Variants in TANGO6 observed in about 807,000 individuals in gnomAD.
TANGO6 encodes transport and golgi organization 6 homolog.
TANGO6 carries 90 observed loss-of-function variants against 114.2 expected under a neutral mutation model. The observed-to-expected ratio is 0.79, with a 90% CI of 0.66 to 0.94. TANGO6 has a LOEUF of 0.94. Among genes scored for constraint, TANGO6 ranks in the 40% least tolerant of loss-of-function variants. The probability of loss-of-function intolerance (pLI) is 0.00; values close to 1 mark genes in which losing one functional copy is unlikely to be tolerated. For synonymous variants in TANGO6, 477 were observed against 509.8 expected (o/e 0.94, Z 0.87); for missense variants, 1,274 against 1,315.3 (o/e 0.97, Z 0.49).
intron 15 of TANGO6, among the ~76,000 whole-genome samples, chr16:68,987,326 CTATT>C (rs1424053687): frequency 6.6e-6 from 1 of 152,044 alleles, no homozygotes; most frequent in East Asian, 1.9e-4. Flanking sequence ...GGGTCATAGG[CTATT>C]TAAATTTTAA....
chr16:69,023,692 C>T lies in TANGO6; in HGVS notation c.2994+713C>T, dbSNP rs1959450901. ...AATCTCAGGCAAATACTCTAATTGA[C>T]CCTCTTTGGCCGAGGCACCCTGTAT... On this transcript the variant is annotated intron_variant, in intron 16 of 17. Transcript: ENST00000261778. Among the ~76,000 whole-genome samples the T allele has an allele frequency of 2.6e-5, 4 of 151,934 alleles. No homozygotes were observed. The South Asian group carries it at 8.3e-4, about 32-fold the overall frequency.
At chr16:68,882,043 A>G (rs912349996) in intron 7 of TANGO6, among the ~76,000 whole-genome samples, 2 of 152,036 alleles carry the variant, frequency 1.3e-5, no homozygotes, top group African/African-American at 4.8e-5. Context: ...TTACTGCTGA[A>G]CACTTTTACA....
In TANGO6 at chr16:68,878,012, G is replaced by T. The variant is rs1597001193; in HGVS notation, c.1132-106G>T. ...AGAATTCTGTTGAATCAGTGTTATT[G>T]AGGTGAATTTATTTTTTGTCTTAAA... On this transcript the variant is annotated intron_variant, in intron 5 of 17. Transcript: ENST00000261778. The T allele has an allele frequency of 6.7e-6, 6 of 900,198 alleles. No homozygotes were observed. In the South Asian group the frequency reaches 8.0e-5, roughly 12 times the overall value. The allele number at this position is 900,198 out of a possible 1,614,324, so 55.8% of individuals were successfully genotyped here. A position where few individuals can be genotyped will look rare whatever the true frequency, so the allele number is the denominator to read the frequency against.
At chr16:69,032,688 C>G (rs1439228261) in intron 16 of TANGO6, among the ~76,000 whole-genome samples, 1 of 152,036 alleles carries the variant, frequency 6.6e-6, no homozygotes, top group African/African-American at 2.4e-5. Context: ...ACCAGCCTAG[C>G]CAAGATGGTG....
At chr16:68,993,396 T>A (rs551654643) in intron 15 of TANGO6, among the ~76,000 whole-genome samples, 1 of 152,376 alleles carries the variant, frequency 6.6e-6, no homozygotes, top group Non-Finnish European at 1.5e-5. Context: ...GAACACAGAA[T>A]AATGAAGCAC....
At chr16:68,891,331 G>A (rs1235327795) in intron 7 of TANGO6, among the ~76,000 whole-genome samples, 1 of 150,960 alleles carries the variant, frequency 6.6e-6, no homozygotes, top group Non-Finnish European at 1.5e-5. Flanking sequence ...GGCATAATGG[G>A]CATCTGTAAT....
intron 4 of TANGO6, among the ~76,000 whole-genome samples, chr16:68,872,258 C>G (rs1375254433): frequency 6.6e-6 from 1 of 151,066 alleles, no homozygotes; most frequent in African/African-American, 2.4e-5. Context: ...GTCTTGTCTT[C>G]TAATTCTGTT....
rs1963338049 is a variant in TANGO6 at position 68,940,166 on chromosome 16, T to TTC, written c.2701+9871_2701+9872insTC. ...TTATTTTGTTTTTCCTTCCTTCCTTTCTTCCTTCCTTCCTTCCTTCTTTTC... is the reference window on the plus strand; with the variant it reads ...TTATTTTGTTTTTCCTTCCTTCCTTTTCCTTCCTTCCTTCCTTCCTTCTTTTC... On this transcript the variant is annotated intron_variant, in intron 14 of 17. Transcript: ENST00000261778. Among the ~76,000 whole-genome samples, 16 of 150,668 alleles carry TTC rather than the reference T, an allele frequency of 1.1e-4. 1 individual carries two copies. The highest frequency in any genetic ancestry group is 8.0e-4 in the Admixed American group (12 of 14,970).
At chr16:68,989,680 T>G (rs1314288777) in intron 15 of TANGO6, among the ~76,000 whole-genome samples, 1 of 152,216 alleles carries the variant, frequency 6.6e-6, no homozygotes, top group African/African-American at 2.4e-5. Flanking sequence ...GATTCTGTAC[T>G]AGACATTATG....
intron 15 of TANGO6, among the ~76,000 whole-genome samples, chr16:69,015,520 C>T (rs1400061226): frequency 1.4e-5 from 2 of 147,710 alleles, no homozygotes; most frequent in African/African-American, 2.5e-5. Flanking sequence ...CTTGCTCTGT[C>T]GCCCAGGCTG....
chr16:69,025,345 G>T (rs945229318), intron 16 of TANGO6, among the ~76,000 whole-genome samples: 15 of 152,188 alleles, frequency 9.9e-5, no homozygotes, highest in African/African-American at 3.6e-4. Flanking sequence ...AGGACATGAA[G>T]GGCAGGGTGT....
At chr16:68,954,274 G>A (rs555502796) in intron 14 of TANGO6, among the ~76,000 whole-genome samples, 1 of 150,220 alleles carries the variant, frequency 6.7e-6, no homozygotes, top group East Asian at 1.9e-4. Flanking sequence ...AAAAAGGAAG[G>A]AGGAAAGAGT....
chr16:68,860,008 A>C lies in TANGO6; in HGVS notation c.219A>C (p.Leu73=). 3.1e-6 allele frequency: 5 copies of C among 1,614,038 alleles called. No homozygotes were observed. The highest frequency in any genetic ancestry group is 4.2e-6 in the Non-Finnish European group (5 of 1,179,892). Residue 73 remains leucine, a synonymous_variant, in exon 2 of 18, where the codon CTA becomes CTC. Coordinates refer to ENST00000261778, the MANE Select transcript of TANGO6 (RefSeq NM_024562.2). ...KDPQWKNLKL[L]RDEIADKAEW... is the part of the protein sequence containing the mutation. Reference sequence around the variant, plus strand: ...CTCAGTGGAAGAATCTGAAACTCCTAAGAGATGAAATTGCTGATAAGGCAG... The same window carrying C: ...CTCAGTGGAAGAATCTGAAACTCCTCAGAGATGAAATTGCTGATAAGGCAG...
chr16:68,970,836 T>A (rs1963696137), intron 14 of TANGO6, among the ~76,000 whole-genome samples: 1 of 152,060 alleles, frequency 6.6e-6, no homozygotes, highest in Admixed American at 6.6e-5. Flanking sequence ...CCCACCAGAT[T>A]TTCTGAGTTG....
At position 68,860,051 on chromosome 16, in the gene TANGO6, G is replaced by A; in HGVS notation, c.262G>A (p.Val88Met). ...ADKAEWPQNS[V>M]DVTWSFTSQT... ...TAAGGCAGAATGGCCACAAAACTCT[G>A]TGGATGTCACTTGGAGTTTTACCTC... is the stretch of plus-strand genomic sequence containing the variant. The change falls in exon 2 of 18, where the codon GTG (valine) becomes ATG (methionine). Residue 88 changes from valine (V) to methionine (M), a missense_variant. By Grantham distance (21) the Val-to-Met change is conservative. Around this residue, in one of 5 missense-constraint regions of TANGO6, gnomAD observed 114 missense variants for 104.6 expected, o/e 1.09. Transcript: ENST00000261778. 1 of 1,613,996 alleles carries A rather than the reference G, an allele frequency of 6.2e-7. No homozygotes were observed. Among genetic ancestry groups the A allele is most frequent in the Non-Finnish European group, 8.5e-7 (1 of 1,179,902 alleles).
intron 14 of TANGO6, chr16:68,937,214 A>T (rs1963308446): frequency 1.3e-5 from 2 of 152,168 alleles, no homozygotes; most frequent in Non-Finnish European, 1.5e-5. Context: ...CAGTCCTGCG[A>T]AGTTTATCAT....
intron 17 of TANGO6, among the ~76,000 whole-genome samples, chr16:69,081,867 TC>T (rs148848163): frequency 0.026 from 3,910 of 149,978 alleles, 172 homozygotes; most frequent in African/African-American, 0.09. Context: ...TCTCACTCAC[TC>T]TGTTGCCCAG....
chr16:68,975,023 A>C (rs1354459135), intron 15 of TANGO6, among the ~76,000 whole-genome samples: 2 of 150,726 alleles, frequency 1.3e-5, no homozygotes, highest in Non-Finnish European at 3.0e-5. Context: ...GTACCACTGC[A>C]CTCCAGCCTG....
chr16:68,980,429 ATATATAT>A (rs1471014178), intron 15 of TANGO6, among the ~76,000 whole-genome samples: 10 of 63,568 alleles, frequency 1.6e-4, no homozygotes, highest in African/African-American at 4.0e-4. Flanking sequence ...ATATATATAT[ATATATAT>A]TTTTTTTTTT....
Sources: allele counts gnomAD v4.1 joint callset (sites outside exome capture counted in the v4.1 genomes callset), GRCh38; gene constraint gnomAD v4.1.1; regional missense constraint gnomAD v4.1.1; transcripts MANE v1.5; gene names NCBI Gene and HGNC (gene_info 2026-07-23, HGNC 2026-07-21).